MRPS6: variants seen among roughly 807,000 people sequenced by gnomAD.
MRPS6 encodes small ribosomal subunit protein bS6m.
Under a neutral mutation model 13.1 loss-of-function variants are expected in MRPS6, and 6 were observed. The ratio of observed to expected loss-of-function variants is 0.46; its 90% CI spans 0.25 to 0.91. The LOEUF is 0.91. MRPS6 is among the 40% of genes least tolerant of loss of function. The pLI is 0.18. For missense variants in MRPS6, 164 were observed against 155.6 expected (o/e 1.05, Z -0.29); for synonymous variants, 61 against 56.5 (o/e 1.08, Z -0.36).
At chr21:34,104,604 A>G in intron 1 of MRPS6, 1 of 1,000,216 alleles carries the variant, frequency 1.0e-6, no homozygotes, top group Non-Finnish European at 1.2e-6. Context: ...AGTTAACCTG[A>G]ACACTTTGAG....
chr21:34,110,765 ATG>A (rs1249800133), intron 1 of MRPS6, among the ~76,000 whole-genome samples: 1 of 152,122 alleles, frequency 6.6e-6, no homozygotes, highest in Non-Finnish European at 1.5e-5. Context: ...ACCTTGCCTC[ATG>A]TGTGTTTCTG....
intron 1 of MRPS6, chr21:34,097,611 A>G (rs1602931793): frequency 8.3e-7 from 1 of 1,207,736 alleles, no homozygotes; most frequent in Non-Finnish European, 1.0e-6. Flanking sequence ...CCAAAGTAAG[A>G]AGAGACCAAT....
At chr21:34,077,879 G>A in intron 1 of MRPS6, among the ~76,000 whole-genome samples, 1 of 152,080 alleles carries the variant, frequency 6.6e-6, no homozygotes, top group East Asian at 1.9e-4. Context: ...AGCCTTTTTT[G>A]ATTAGAACAC....
intron 1 of MRPS6, among the ~76,000 whole-genome samples, chr21:34,078,286 A>G (rs1038168523): frequency 1.3e-5 from 2 of 152,098 alleles, no homozygotes; most frequent in Admixed American, 1.3e-4. Flanking sequence ...ACAATGTTAT[A>G]CTTTCATTTG....
intron 1 of MRPS6, chr21:34,097,418 T>G: frequency 2.2e-6 from 3 of 1,356,682 alleles, no homozygotes; most frequent in Non-Finnish European, 2.8e-6. Flanking sequence ...GGAAAAAAGT[T>G]ATGTAACTGT....
At chr21:34,098,648 G>A (rs1979084305) in intron 1 of MRPS6, 1 of 1,000,250 alleles carries the variant, frequency 1.0e-6, no homozygotes, top group South Asian at 4.7e-5. Flanking sequence ...TTTGAGAGGT[G>A]CCAAACAAGA....
chr21:34,115,285 A>G (rs1187618955), intron 1 of MRPS6, among the ~76,000 whole-genome samples: 1 of 152,134 alleles, frequency 6.6e-6, no homozygotes, highest in South Asian at 2.1e-4. Flanking sequence ...GTACTTCTTA[A>G]TGTTGGATTT....
At chr21:34,135,577 C>T in intron 2 of MRPS6, 1 of 438,796 alleles carries the variant, frequency 2.3e-6, no homozygotes, top group Non-Finnish European at 4.5e-6. Flanking sequence ...CTCAAGAGTG[C>T]CTGTGCACAG....
intron 1 of MRPS6, among the ~76,000 whole-genome samples, chr21:34,078,444 A>T (rs780256041): frequency 2.3e-4 from 35 of 152,128 alleles, no homozygotes; most frequent in Non-Finnish European, 3.8e-4. Flanking sequence ...GTTTGTATGT[A>T]TGAAGACTGC....
intron 1 of MRPS6, among the ~76,000 whole-genome samples, chr21:34,094,558 A>G (rs1978876200): frequency 2.0e-5 from 3 of 152,124 alleles, no homozygotes; most frequent in Admixed American, 6.5e-5. Context: ...ATCTGAGCAT[A>G]CCACAGTAAG....
At chr21:34,122,408 T>C (rs1423585175) in intron 1 of MRPS6, 17 of 152,228 alleles carry the variant, frequency 1.1e-4, no homozygotes, top group Admixed American at 1.0e-3. Flanking sequence ...TAAAGTGAGA[T>C]GAATGTGGCC....
intron 1 of MRPS6, among the ~76,000 whole-genome samples, chr21:34,087,743 G>GC (rs1223675770): frequency 1.3e-5 from 2 of 152,232 alleles, no homozygotes; most frequent in East Asian, 3.8e-4. Context: ...TGCTTGCTGT[G>GC]CTAGTGCCCT....
intron 2 of MRPS6, among the ~76,000 whole-genome samples, chr21:34,129,454 A>G (rs1980425148): frequency 6.6e-6 from 1 of 152,192 alleles, no homozygotes; most frequent in Non-Finnish European, 1.5e-5. Context: ...AAGAACTCTT[A>G]AGTAGAAGGT....
At chr21:34,122,168 C>A (rs1211908783) in intron 1 of MRPS6, 2 of 152,210 alleles carry the variant, frequency 1.3e-5, no homozygotes, top group Non-Finnish European at 2.9e-5. Context: ...GCCATGTGGT[C>A]TCTTGTAATT....
intron 1 of MRPS6, among the ~76,000 whole-genome samples, chr21:34,089,309 C>T (rs1259724493): frequency 2.0e-5 from 3 of 151,908 alleles, no homozygotes; most frequent in Admixed American, 6.6e-5. Context: ...TGAGTCACCA[C>T]GCCCAGCCTG....
chr21:34,125,261 T>C, intron 1 of MRPS6, 80 bp from the exon 2 acceptor site: 2 of 1,545,726 alleles, frequency 1.3e-6, no homozygotes, highest in South Asian at 1.3e-5. Context: ...TGATTGGAAC[T>C]GAGCAGACTT....
At chr21:34,107,689 ACTC>A (rs1253788930) in intron 1 of MRPS6, among the ~76,000 whole-genome samples, 2 of 150,980 alleles carry the variant, frequency 1.3e-5, no homozygotes, top group Admixed American at 6.6e-5. Flanking sequence ...GTCAGTATGA[ACTC>A]CTGGATTACT....
chr21:34,102,589 ATTGAC>A (rs1979294471), intron 1 of MRPS6: 2 of 1,000,040 alleles, frequency 2.0e-6, no homozygotes, highest in Non-Finnish European at 2.4e-6. Context: ...GTCTGAGGCT[ATTGAC>A]TTAAACCAAT....
Position 34,101,630 on chromosome 21 carries a change from T to G in MRPS6, c.46-23711T>G. The G allele has an allele frequency of 3.0e-6, 3 of 1,000,200 alleles. No homozygotes were observed. In the African/African-American group the frequency reaches 5.2e-5, roughly 17 times the overall value. The allele number at this position is 1,000,200 out of a possible 1,614,324, so 62.0% of individuals were successfully genotyped here. A position where few individuals can be genotyped will look rare whatever the true frequency, so the allele number is the denominator to read the frequency against. ...CTTTTCAGCACTTAGCAAATTCAAA[T>G]TTTGATTTTTTTGTCAGCTTAGTTC... On this transcript the variant is annotated intron_variant, in intron 1 of 2. Transcript: ENST00000399312.
Sources: gnomAD v4.1 joint callset for allele counts (sites outside exome capture counted in the v4.1 genomes callset) on GRCh38, gnomAD v4.1.1 for gene constraint, MANE v1.5 for transcripts, NCBI Gene and HGNC (gene_info 2026-07-23, HGNC 2026-07-21) for gene names.